The following MYADML2 variants were observed in gnomAD, a reference collection of about 807,000 sequenced individuals.
MYADML2 encodes the protein myeloid associated differentiation marker like 2.
A neutral mutation model predicts 16.0 loss-of-function variants in MYADML2; 17 were observed. The ratio of observed to expected loss-of-function variants is 1.06; its 90% CI spans 0.73 to 1.60. MYADML2 has a LOEUF of 1.60. Ranked by LOEUF, MYADML2 falls within the 40% of genes most tolerant of loss-of-function variation. The pLI is 0.00. For synonymous variants in MYADML2, 210 were observed against 208.1 expected (o/e 1.01, Z -0.08); for missense variants, 422 against 437.7 (o/e 0.96, Z 0.32).
chr17:81,943,715 A>G (rs1303069835), intron 1 of MYADML2, among the ~76,000 whole-genome samples: 1 of 152,174 alleles, frequency 6.6e-6, no homozygotes, highest in Non-Finnish European at 1.5e-5. Flanking sequence ...GTTACTAAAA[A>G]GAGAAAGAAA....
At position 81,941,044 on chromosome 17, in the gene MYADML2, A is replaced by C. The variant is rs761451771; in HGVS notation, c.698T>G (p.Val233Gly). 1 of 1,550,318 alleles carries C rather than the reference A, an allele frequency of 6.5e-7. No homozygotes were observed. Among genetic ancestry groups the C allele is most frequent in the Non-Finnish European group, 8.7e-7 (1 of 1,146,992 alleles). The change falls in exon 3 of 3, where the codon GTG becomes GGG. Residue 233 changes from valine (V) to glycine (G), a missense_variant. Val to Gly is a moderately radical substitution (Grantham distance 109). Transcript: ENST00000409745. ...LGCPFDRLVV[V>G]YTFLAVLLYL... The stretch of plus-strand genomic sequence containing the variant: ...CAGGAGCACAGCCAGGAAGGTGTAC[A>C]CCACCACCAGCCGGTCAAAGGGGCA...
rs941503176 is a variant in MYADML2 at position 81,941,552 on chromosome 17, C to T, written c.190G>A (p.Val64Ile). The change falls in exon 3 of 3, where the codon GTC (valine) becomes ATC (isoleucine). Residue 64 changes from valine to isoleucine, a missense_variant. By Grantham distance (29) the Val-to-Ile change is conservative. Coordinates refer to ENST00000409745, the MANE Select transcript of MYADML2 (RefSeq NM_001145113.3). ...TCACAGGCCACCACCAGCGCAGAGA[C>T]GGCGAAGCAGAAGCCCCAGGCGGCC... ...CMAAWGFCFA[V>I]SALVVACEFT... 50 of 1,548,128 alleles carry T rather than the reference C, an allele frequency of 3.2e-5. 1 individual carries two copies. In the African/African-American group the frequency reaches 4.4e-4, roughly 14 times the overall value.
intron 1 of MYADML2, among the ~76,000 whole-genome samples, chr17:81,946,679 CAATA>C (rs1485456592): frequency 6.6e-6 from 1 of 150,478 alleles, no homozygotes; most frequent in Admixed American, 6.6e-5. Context: ...ATAAATAAAA[CAATA>C]AATAAGGCCA....
At position 81,940,947 on chromosome 17, in the gene MYADML2, G is replaced by C. The variant is rs755292173; in HGVS notation, c.795C>G (p.Pro265=). ...DPKYGEPKRP[P]NCARGSCPWD... ...AGGGACAGCTGCCCCGAGCACAGTT[G>C]GGGGGCCGTTTGGGCTCACCGTACT... is the stretch of plus-strand genomic sequence containing the variant. Residue 265 remains proline, a synonymous_variant, in exon 3 of 3, where the codon CCC becomes CCG. Transcript: ENST00000409745. 6.4e-7 allele frequency: 1 copy of C among 1,550,564 alleles called. No homozygotes were observed.
In MYADML2 at chr17:81,940,564, G is replaced by A. The variant is rs139423786; in HGVS notation, c.*254C>T. On this transcript the variant is annotated 3_prime_UTR_variant, in exon 3 of 3. Transcript: ENST00000409745. ...CCAGGAGCGCTGGGAAATGGTGAGAGAGAGTGAGTTGGGGATTGGCCTAGG... is the reference window on the plus strand; with the variant it reads ...CCAGGAGCGCTGGGAAATGGTGAGAAAGAGTGAGTTGGGGATTGGCCTAGG... 8.4e-3 allele frequency: 3,959 copies of A among 471,700 alleles called. 122 individuals carry two copies. The highest frequency in any genetic ancestry group is 0.069 in the African/African-American group (3,624 of 52,478). 29.2% of individuals were successfully genotyped at this position (471,700 alleles called of 1,614,324 possible). A position where few individuals can be genotyped will look rare whatever the true frequency, so the allele number is the denominator to read the frequency against.
Position 81,941,495 on chromosome 17 carries a change from A to T in MYADML2, c.247T>A (p.Ser83Thr). ...AAGGCGGCGGTGAAGTTGCCCCAGG[A>T]GAGCCGCAGGCAGCCGTGGAGCCGT... The part of the protein sequence containing the change: ...FTRLHGCLRL[S>T]WGNFTAAFAM... Residue 83 changes from serine to threonine, a missense_variant, in exon 3 of 3, where the codon TCC (serine) becomes ACC (threonine). Coordinates refer to ENST00000409745, the MANE Select transcript of MYADML2 (RefSeq NM_001145113.3). 1 of 1,548,596 alleles carries T rather than the reference A, an allele frequency of 6.5e-7. No homozygotes were observed. Among genetic ancestry groups the T allele is most frequent in the Non-Finnish European group, 8.7e-7 (1 of 1,146,308 alleles).
rs374061631 is a variant in MYADML2, at chr17:81,945,948, G to A, written c.-181+1111C>T. ...CCACTCCAGCAAAGTCACAAAACTG[G>A]AGGAGGGGCCATGGGAACCTCGGTT... On this transcript the variant is annotated intron_variant, in intron 1 of 2. Transcript: ENST00000409745. Among the ~76,000 whole-genome samples, 34 of 152,194 alleles carry A rather than the reference G, an allele frequency of 2.2e-4. No individual in the cohort carries two copies. In the South Asian group the frequency reaches 7.0e-3, roughly 32 times the overall value.
intron 1 of MYADML2, among the ~76,000 whole-genome samples, chr17:81,945,659 A>G (rs938227039): frequency 5.4e-5 from 8 of 149,374 alleles, no homozygotes; most frequent in Non-Finnish European, 1.0e-4. Flanking sequence ...CTGAGATTGC[A>G]CCACTGCACT....
In MYADML2 at chr17:81,941,178, G is replaced by A. The variant is rs773100169; in HGVS notation, c.564C>T (p.Tyr188=). The A allele has an allele frequency of 1.5e-5, 24 of 1,550,092 alleles. No homozygotes were observed. Among genetic ancestry groups the A allele is most frequent in the East Asian group, 1.5e-4 (6 of 40,932 alleles). The change falls in exon 3 of 3, where the codon TAC becomes TAT. Residue 188 remains tyrosine (Y), a synonymous_variant. Transcript: ENST00000409745. The stretch of plus-strand genomic sequence containing the variant: ...ACCACTGGGTGGCCACGTAGCGCCC[G>A]TAGCGGCTGTCATGGACCAGCGCCC... ...IFGALVHDSR[Y]GRYVATQWCV...
At chr17:81,943,144 A>G (rs2041318677) in intron 1 of MYADML2, among the ~76,000 whole-genome samples, 1 of 149,904 alleles carries the variant, frequency 6.7e-6, no homozygotes, top group African/African-American at 2.5e-5. Context: ...ATCTCTGCTC[A>G]CTGCAAGCTC....
intron 1 of MYADML2, among the ~76,000 whole-genome samples, chr17:81,945,993 C>T (rs2143928221): frequency 6.6e-6 from 1 of 152,202 alleles, no homozygotes; most frequent in Admixed American, 6.5e-5. Context: ...GCGGGTGACA[C>T]CTGCTACATT....
Position 81,944,390 on chromosome 17 carries a change from C to CTCA in MYADML2, c.-180-2018_-180-2017insTGA, listed in dbSNP as rs1555624573. On this transcript the variant is annotated intron_variant, in intron 1 of 2. Coordinates refer to ENST00000409745, the MANE Select transcript of MYADML2 (RefSeq NM_001145113.3). ...GAGATCGCAACAGAGCGAGACTCCTCAAAAAAAAAAAAGAAAGAAAAAGAA... is the reference window on the plus strand; with the variant it reads ...GAGATCGCAACAGAGCGAGACTCCTCTCAAAAAAAAAAAAAGAAAGAAAAAGAA... Among the ~76,000 whole-genome samples, 656 of 72,118 alleles carry CTCA rather than the reference C, an allele frequency of 9.1e-3. 6 individuals carry two copies. Among genetic ancestry groups the CTCA allele is most frequent in the Middle Eastern group, 0.031 (5 of 160 alleles). 47.3% of individuals were successfully genotyped at this position (72,118 alleles called of 152,430 possible).
In MYADML2 at chr17:81,940,965, A is replaced by G. The variant is rs1255666656; in HGVS notation, c.777T>C (p.Gly259=). The G allele has an allele frequency of 6.4e-7, 1 of 1,550,646 alleles. No homozygotes were observed. The highest frequency in any genetic ancestry group is 8.7e-7 in the Non-Finnish European group (1 of 1,146,958). The change falls in exon 3 of 3, where the codon GGT becomes GGC. Residue 259 remains glycine, a synonymous_variant. Transcript: ENST00000409745. The stretch of plus-strand genomic sequence containing the variant: ...CACAGTTGGGGGGCCGTTTGGGCTC[A>G]CCGTACTTGGGATCGAAACAGAAGA... The part of the protein sequence containing the change: ...WPVFCFDPKY[G]EPKRPPNCAR...
Position 81,941,285 on chromosome 17 carries a change from G to A in MYADML2, c.457C>T (p.Pro153Ser), listed in dbSNP as rs1186247048. ...GCCATATAGCTGCTCACCTGGCCGG[G>A]CCGGGCCCGCGTCAGGGCCACCTCC... Reference protein sequence around the residue: ...AVEVALTRARPGQVSSYMATV... With the variant: ...AVEVALTRARSGQVSSYMATV... Residue 153 changes from proline to serine, a missense_variant, in exon 3 of 3, where the codon CCC becomes TCC. Coordinates refer to ENST00000409745, the MANE Select transcript of MYADML2 (RefSeq NM_001145113.3). The A allele has an allele frequency of 1.3e-6, 2 of 1,550,002 alleles. No individual in the cohort carries two copies. The highest frequency in any genetic ancestry group is 1.7e-6 in the Non-Finnish European group (2 of 1,146,874).
intron 1 of MYADML2, among the ~76,000 whole-genome samples, chr17:81,943,307 G>C (rs112388278): frequency 1.3e-5 from 2 of 151,362 alleles, no homozygotes; most frequent in African/African-American, 4.8e-5. Context: ...CTGACCTCGT[G>C]ATCCACCTGC....
chr17:81,941,014 A>T lies in MYADML2; in HGVS notation c.728T>A (p.Leu243His). ...VYTFLAVLLY[L>H]SAAVIWPVFC... ...GACTGGCCAGATCACGGCGGCGCTGAGGTACAGGAGCACAGCCAGGAAGGT... is the reference window on the plus strand; with the variant it reads ...GACTGGCCAGATCACGGCGGCGCTGTGGTACAGGAGCACAGCCAGGAAGGT... Residue 243 changes from leucine to histidine, a missense_variant, in exon 3 of 3, where the codon CTC (leucine) becomes CAC (histidine). Coordinates refer to ENST00000409745, the MANE Select transcript of MYADML2 (RefSeq NM_001145113.3). 6.4e-7 allele frequency: 1 copy of T among 1,550,464 alleles called. No individual in the cohort carries two copies. Among genetic ancestry groups the T allele is most frequent in the Non-Finnish European group, 8.7e-7 (1 of 1,146,976 alleles).
rs555491751 is a variant in MYADML2, at chr17:81,941,046, C to T, written c.696G>A (p.Val232=). The change falls in exon 3 of 3, where the codon GTG becomes GTA. Residue 232 remains valine, a synonymous_variant. Coordinates refer to ENST00000409745, the MANE Select transcript of MYADML2 (RefSeq NM_001145113.3). Reference sequence around the variant, plus strand: ...GGAGCACAGCCAGGAAGGTGTACACCACCACCAGCCGGTCAAAGGGGCAGC... The same window carrying T: ...GGAGCACAGCCAGGAAGGTGTACACTACCACCAGCCGGTCAAAGGGGCAGC... ...GLGCPFDRLV[V]VYTFLAVLLY... is the part of the protein sequence containing the mutation. The T allele has an allele frequency of 4.5e-6, 7 of 1,550,286 alleles. No individual in the cohort carries two copies. In the African/African-American group the frequency reaches 6.8e-5, roughly 15 times the overall value.
Position 81,940,604 on chromosome 17 carries a change from G to A in MYADML2, c.*214C>T. ...ATTGGCCTAGGTGAGGCTCTCCCCT[G>A]CGTCTGCTCAGGGCCTCTGCCCTAC... is the stretch of plus-strand genomic sequence containing the variant. On this transcript the variant is annotated 3_prime_UTR_variant, in exon 3 of 3. Transcript: ENST00000409745. 1 of 552,674 alleles carries A rather than the reference G, an allele frequency of 1.8e-6. No individual in the cohort carries two copies. Among genetic ancestry groups the A allele is most frequent in the Non-Finnish European group, 3.2e-6 (1 of 314,958 alleles). 34.2% of individuals were successfully genotyped at this position (552,674 alleles called of 1,614,324 possible).
rs751976251 is a variant in MYADML2, at chr17:81,941,126, G to T, written c.616C>A (p.Leu206Met). Residue 206 changes from leucine to methionine, a missense_variant, in exon 3 of 3, where the codon CTG (leucine) becomes ATG (methionine). Transcript: ENST00000409745. ...AGGGCCACCACGGCCACTGTGGCCAGGAAGCACAGGCTGTAGACGGCCACG... is the reference window on the plus strand; with the variant it reads ...AGGGCCACCACGGCCACTGTGGCCATGAAGCACAGGCTGTAGACGGCCACG... ...WCVAVYSLCFLATVAVVALSV... is the reference protein window; with the variant it reads ...WCVAVYSLCFMATVAVVALSV... 13 of 1,550,198 alleles carry T rather than the reference G, an allele frequency of 8.4e-6. No homozygotes were observed. The highest frequency in any genetic ancestry group is 4.9e-5 in the East Asian group (2 of 40,928).
Sources: allele counts gnomAD v4.1 joint callset (sites outside exome capture counted in the v4.1 genomes callset), GRCh38; gene constraint gnomAD v4.1.1; transcripts MANE v1.5; gene names NCBI Gene and HGNC (gene_info 2026-07-23, HGNC 2026-07-21).